MNAT1: variants seen among roughly 807,000 people sequenced by gnomAD.
The protein encoded by MNAT1 is MNAT1 component of CDK activating kinase.
MNAT1 carries 43 observed loss-of-function variants against 42.0 expected under a neutral mutation model. That is an observed-to-expected ratio of 1.02 (90% CI 0.80 to 1.32). The LOEUF is 1.32. MNAT1 is among the 40% of genes most tolerant of loss of function. MNAT1 has a pLI of 0.00. For synonymous variants in MNAT1, 118 were observed against 120.0 expected, an observed-to-expected ratio of 0.98 and a Z score of 0.11; for missense variants, 306 against 350.4, an observed-to-expected ratio of 0.87 and a Z score of 1.01.
At chr14:60,906,584 T>A (rs1387387043) in intron 7 of MNAT1, among the ~76,000 whole-genome samples, 2 of 152,074 alleles carry the variant, frequency 1.3e-5, no homozygotes, top group Non-Finnish European at 2.9e-5. Context: ...TTAAGGGGGG[T>A]ATGAAAAAGA....
intron 1 of MNAT1, among the ~76,000 whole-genome samples, chr14:60,746,911 TATATATATATATACACACACAC>T (rs1215653973): frequency 3.9e-5 from 1 of 25,420 alleles, no homozygotes; most frequent in East Asian, 1.7e-3. Context: ...TATATATATA[TATATATATATATACACACACAC>T]ACACACACAC....
At chr14:60,842,980 C>G (rs532935922) in intron 6 of MNAT1, among the ~76,000 whole-genome samples, 2 of 152,238 alleles carry the variant, frequency 1.3e-5, no homozygotes, top group African/African-American at 4.8e-5. Flanking sequence ...ATCATGAAGT[C>G]AAAAACTTGT....
chr14:60,745,656 A>T (rs1187905241), intron 1 of MNAT1, among the ~76,000 whole-genome samples: 2 of 152,112 alleles, frequency 1.3e-5, no homozygotes, highest in African/African-American at 4.8e-5. Flanking sequence ...GACTCAAGAG[A>T]TCTGCCCACC....
At chr14:60,859,305 G>T (rs756649028) in intron 6 of MNAT1, among the ~76,000 whole-genome samples, 4 of 152,168 alleles carry the variant, frequency 2.6e-5, no homozygotes, top group Admixed American at 2.6e-4. Flanking sequence ...TAAAAATTCA[G>T]TGGTTGGTAG....
intron 6 of MNAT1, among the ~76,000 whole-genome samples, chr14:60,878,376 A>C (rs529661030): frequency 7.4e-4 from 112 of 152,188 alleles, no homozygotes; most frequent in Middle Eastern, 3.4e-3. Context: ...TCCTTTTACA[A>C]ATTTTTTGAG....
intron 7 of MNAT1, among the ~76,000 whole-genome samples, chr14:60,902,959 T>C (rs977305589): frequency 4.6e-5 from 7 of 151,998 alleles, no homozygotes; most frequent in Non-Finnish European, 5.9e-5. Context: ...AAAAAAATTT[T>C]TTTTCTTTTC....
chr14:60,780,677 A>T (rs1192999201), intron 1 of MNAT1: 23 of 849,720 alleles, frequency 2.7e-5, no homozygotes, highest in Admixed American at 2.3e-4. Flanking sequence ...GATATGTTTT[A>T]TTTCATTGGT....
chr14:60,913,241 A>G (rs2035424860), intron 7 of MNAT1, among the ~76,000 whole-genome samples: 1 of 151,762 alleles, frequency 6.6e-6, no homozygotes, highest in African/African-American at 2.4e-5. Flanking sequence ...TTTTTTTTTC[A>G]AAGTTTTTAA....
intron 6 of MNAT1, among the ~76,000 whole-genome samples, chr14:60,876,686 T>A (rs2034443712): frequency 6.6e-6 from 1 of 152,096 alleles, no homozygotes; most frequent in Non-Finnish European, 1.5e-5. Flanking sequence ...TTTGTCCTTT[T>A]ATGCCTGGCT....
At chr14:60,762,419 C>T (rs2140300637) in intron 1 of MNAT1, among the ~76,000 whole-genome samples, 1 of 152,034 alleles carries the variant, frequency 6.6e-6, no homozygotes, top group East Asian at 1.9e-4. Flanking sequence ...GTGGCTCACA[C>T]CTGTAATCCC....
chr14:60,894,526 C>T (rs548630506), intron 7 of MNAT1, among the ~76,000 whole-genome samples: 2 of 152,040 alleles, frequency 1.3e-5, no homozygotes, highest in South Asian at 4.2e-4. Flanking sequence ...TTGTTTGGAG[C>T]CCTTTTTGTG....
intron 1 of MNAT1, among the ~76,000 whole-genome samples, chr14:60,790,243 G>T (rs1157730684): frequency 3.3e-5 from 5 of 152,040 alleles, no homozygotes; most frequent in African/African-American, 9.7e-5. Flanking sequence ...TAAATCTTGG[G>T]ACCCCCAAAA....
chr14:60,897,045 A>G (rs1679099757), intron 7 of MNAT1, among the ~76,000 whole-genome samples: 1 of 152,164 alleles, frequency 6.6e-6, no homozygotes, highest in Admixed American at 6.5e-5. Flanking sequence ...AACATTTATA[A>G]TTTATATCCG....
At chr14:60,903,062 GTTTC>G (rs1386770567) in intron 7 of MNAT1, among the ~76,000 whole-genome samples, 1 of 150,752 alleles carries the variant, frequency 6.6e-6, no homozygotes, top group African/African-American at 2.4e-5. Flanking sequence ...AATAACTGTA[GTTTC>G]TTTCTGTTTT....
At chr14:60,854,259 C>T (rs2033900361) in intron 6 of MNAT1, among the ~76,000 whole-genome samples, 1 of 152,106 alleles carries the variant, frequency 6.6e-6, no homozygotes, top group African/African-American at 2.4e-5. Flanking sequence ...TCCTTTAGCT[C>T]AGAGGAGTTT....
rs534550499 is a variant in MNAT1, at chr14:60,794,716, G to A, written c.90-1501G>A. Among the ~76,000 whole-genome samples, 6 of 139,796 alleles carry A rather than the reference G, an allele frequency of 4.3e-5. No homozygotes were observed. The East Asian group carries it at 8.2e-4, about 19-fold the overall frequency. 91.7% of individuals were successfully genotyped at this position (139,796 alleles called of 152,430 possible). On this transcript the variant is annotated intron_variant, in intron 1 of 7. Coordinates refer to ENST00000261245, the MANE Select transcript of MNAT1 (RefSeq NM_002431.4). ...TATATACATATGTGTGTATATATATGTCTGTGTGTGTATGTATATATTTAA... is the reference window on the plus strand; with the variant it reads ...TATATACATATGTGTGTATATATATATCTGTGTGTGTATGTATATATTTAA...
intron 7 of MNAT1, among the ~76,000 whole-genome samples, chr14:60,881,256 C>T (rs551668264): frequency 6.6e-6 from 1 of 152,150 alleles, no homozygotes. Flanking sequence ...GCAATCTTGG[C>T]TCACTGCAAC....
At chr14:60,912,107 G>C (rs1419476521) in intron 7 of MNAT1, among the ~76,000 whole-genome samples, 1 of 151,976 alleles carries the variant, frequency 6.6e-6, no homozygotes, top group Non-Finnish European at 1.5e-5. Context: ...ATCTTTGTTG[G>C]TTTAAAGTCT....
At chr14:60,952,827 G>T (rs2036409675) in intron 7 of MNAT1, among the ~76,000 whole-genome samples, 1 of 152,082 alleles carries the variant, frequency 6.6e-6, no homozygotes, top group Admixed American at 6.6e-5. Flanking sequence ...ATACATTTCA[G>T]AGACAGAATC....
Sources: allele counts gnomAD v4.1 joint callset (sites outside exome capture counted in the v4.1 genomes callset), GRCh38; gene constraint gnomAD v4.1.1; transcripts MANE v1.5; gene names NCBI Gene and HGNC (gene_info 2026-07-23, HGNC 2026-07-21).